The following PTPRT variants were observed in gnomAD, a reference collection of about 807,000 sequenced individuals.
The protein encoded by PTPRT is receptor-type tyrosine-protein phosphatase T.
In PTPRT, 56 loss-of-function variants were observed where a neutral mutation model predicts 176.8. The observed-to-expected ratio is 0.32, with a 90% confidence interval of 0.26 to 0.40. The LOEUF (loss-of-function observed/expected upper bound fraction) is 0.40. Ranked by LOEUF, PTPRT falls within the 10% of genes least tolerant of loss-of-function variation. The probability of loss-of-function intolerance (pLI) is 1.00; values close to 1 mark genes in which losing one functional copy is unlikely to be tolerated. For missense variants in PTPRT, 1,540 were observed against 1,908.2 expected (o/e 0.81, Z 3.60); for synonymous variants, 783 against 739.0 (o/e 1.06, Z -0.96).
Position 42,128,825 on chromosome 20 carries a change from G to A in PTPRT, c.2776C>T (p.His926Tyr), listed in dbSNP as rs1987985926. The change falls in exon 19 of 31, where the codon CAT (histidine) becomes TAT (tyrosine). Residue 926 changes from histidine (H) to tyrosine (Y), a missense_variant. Physicochemically the swap from His to Tyr is moderately conservative, Grantham distance 83 (BLOSUM62 2). Transcript: ENST00000373187. Reference sequence around the variant, plus strand: ...AGCACCAGCAGCCTCACCCGGGAATGGTCGTCTGCAGAGAGAGCAGAAATC... The same window carrying A: ...AGCACCAGCAGCCTCACCCGGGAATAGTCGTCTGCAGAGAGAGCAGAAATC... The part of the protein sequence containing the change: ...NRYGNIISYD[H>Y]SRVRLLVLDG... 6.2e-7 allele frequency: 1 copy of A among 1,605,746 alleles called. No homozygotes were observed. The highest frequency in any genetic ancestry group is 2.3e-5 in the East Asian group (1 of 44,404).
chr20:42,234,499 A>G (rs1284140081), intron 15 of PTPRT, among the ~76,000 whole-genome samples: 1 of 152,068 alleles, frequency 6.6e-6, no homozygotes, highest in African/African-American at 2.4e-5. Flanking sequence ...CAGAATTTTA[A>G]TTTTTTCAGT....
At chr20:42,446,998 C>A (rs1283482972) in intron 9 of PTPRT, among the ~76,000 whole-genome samples, 1 of 152,188 alleles carries the variant, frequency 6.6e-6, no homozygotes, top group Non-Finnish European at 1.5e-5. Flanking sequence ...GTTGGATAAT[C>A]TTCTCCCTCA....
At chr20:43,048,570 C>T (rs192814453) in intron 1 of PTPRT, among the ~76,000 whole-genome samples, 2 of 151,858 alleles carry the variant, frequency 1.3e-5, no homozygotes, top group East Asian at 1.9e-4. Flanking sequence ...AGGCAGTGGG[C>T]CAAGGGGGTG....
chr20:42,432,639 G>C (rs988670628), intron 9 of PTPRT, among the ~76,000 whole-genome samples: 2 of 152,082 alleles, frequency 1.3e-5, no homozygotes, highest in African/African-American at 4.8e-5. Context: ...GCAAAGCAAG[G>C]GTTAAGTCAC....
intron 2 of PTPRT, among the ~76,000 whole-genome samples, chr20:42,875,596 T>C (rs996177364): frequency 5.3e-5 from 8 of 152,172 alleles, no homozygotes; most frequent in Non-Finnish European, 1.2e-4. Context: ...CCTCTATCTC[T>C]TAGGTGTTAG....
At chr20:42,535,769 A>C (rs747916901) in intron 7 of PTPRT, among the ~76,000 whole-genome samples, 5 of 152,046 alleles carry the variant, frequency 3.3e-5, no homozygotes, top group Admixed American at 6.5e-5. Flanking sequence ...GAGTGCACTT[A>C]TCTGGGGTCC....
intron 13 of PTPRT, among the ~76,000 whole-genome samples, chr20:42,266,846 G>C (rs6016730): frequency 0.014 from 2,207 of 152,268 alleles, 56 homozygotes; most frequent in African/African-American, 0.051. Context: ...TAGTCACCAA[G>C]TCACGTACTT....
At chr20:42,495,118 A>G (rs2071630257) in intron 7 of PTPRT, among the ~76,000 whole-genome samples, 1 of 152,122 alleles carries the variant, frequency 6.6e-6, no homozygotes, top group African/African-American at 2.4e-5. Flanking sequence ...AGAGCAGCAA[A>G]GAACTTAAAG....
At chr20:42,169,753 C>CAT (rs1221397533) in intron 16 of PTPRT, among the ~76,000 whole-genome samples, 30 of 130,632 alleles carry the variant, frequency 2.3e-4, no homozygotes, top group Non-Finnish European at 4.4e-4. Context: ...AACACACACA[C>CAT]ACACACACAC....
intron 1 of PTPRT, among the ~76,000 whole-genome samples, chr20:42,929,488 A>G (rs1979698648): frequency 6.6e-6 from 1 of 152,254 alleles, no homozygotes. Flanking sequence ...CTCTGTTCTT[A>G]TGGATGGGTT....
At chr20:42,938,682 A>T (rs889311433) in intron 1 of PTPRT, among the ~76,000 whole-genome samples, 1 of 151,984 alleles carries the variant, frequency 6.6e-6, no homozygotes, top group African/African-American at 2.4e-5. Context: ...CCTCCCCCCC[A>T]TGCTTGCTAG....
chr20:42,639,451 C>T (rs1368727890), intron 7 of PTPRT, among the ~76,000 whole-genome samples: 1 of 152,136 alleles, frequency 6.6e-6, no homozygotes, highest in Non-Finnish European at 1.5e-5. Flanking sequence ...AGCCTCTGTT[C>T]TGGCCCTGAA....
chr20:42,943,094 A>T (rs914054661), intron 1 of PTPRT, among the ~76,000 whole-genome samples: 1 of 152,216 alleles, frequency 6.6e-6, no homozygotes, highest in Non-Finnish European at 1.5e-5. Context: ...ATCAAAACCC[A>T]AACGCAACTT....
chr20:42,784,438 T>C (rs1019720164), intron 3 of PTPRT, among the ~76,000 whole-genome samples: 1 of 152,248 alleles, frequency 6.6e-6, no homozygotes, highest in East Asian at 1.9e-4. Context: ...TTGTTTAGGG[T>C]AAAATTAAGA....
At chr20:42,313,157 G>A (rs745737935) in intron 12 of PTPRT, among the ~76,000 whole-genome samples, 18 of 152,246 alleles carry the variant, frequency 1.2e-4, no homozygotes, top group Non-Finnish European at 2.5e-4. Context: ...CATCAGGACA[G>A]TTTACAAATG....
In PTPRT at chr20:42,678,035, G is replaced by A. The variant is rs2146067151; in HGVS notation, c.984C>T (p.Arg328=). ...TCTCTGCCCACGTGCCTGTGGTGGTGCGATATTCCACTTCCTTCAGGATGA... is the reference window on the plus strand; with the variant it reads ...TCTCTGCCCACGTGCCTGTGGTGGTACGATATTCCACTTCCTTCAGGATGA... ...GPIILKEVEY[R]TTTGTWAETH... Residue 328 remains arginine (R), a synonymous_variant, in exon 7 of 31, where the codon CGC becomes CGT. Transcript: ENST00000373187. The A allele has an allele frequency of 6.2e-7, 1 of 1,614,150 alleles. No homozygotes were observed. Among genetic ancestry groups the A allele is most frequent in the Non-Finnish European group, 8.5e-7 (1 of 1,180,036 alleles).
At chr20:42,299,999 T>A (rs1210408508) in intron 12 of PTPRT, among the ~76,000 whole-genome samples, 1 of 150,782 alleles carries the variant, frequency 6.6e-6, no homozygotes, top group Non-Finnish European at 1.5e-5. Context: ...GGCTCATGCC[T>A]GTAATCCCAA....
intron 1 of PTPRT, among the ~76,000 whole-genome samples, chr20:42,965,250 G>A (rs1002197389): frequency 3.9e-5 from 6 of 152,034 alleles, no homozygotes; most frequent in Admixed American, 6.5e-5. Flanking sequence ...AAGAAAGCCC[G>A]GATTTATAGT....
At chr20:42,750,300 ATC>A (rs745386775) in intron 6 of PTPRT, among the ~76,000 whole-genome samples, 43 of 152,150 alleles carry the variant, frequency 2.8e-4, no homozygotes, top group Non-Finnish European at 5.7e-4. Context: ...ACTAGGATGT[ATC>A]TGTTTATATA....
Sources: gnomAD v4.1 joint callset for allele counts (sites outside exome capture counted in the v4.1 genomes callset) on GRCh38, gnomAD v4.1.1 for gene constraint, MANE v1.5 for transcripts, NCBI Gene and HGNC (gene_info 2026-07-23, HGNC 2026-07-21) for gene names.